Variants in ACSBG2 observed in about 807,000 individuals in gnomAD.
ACSBG2 encodes acyl-CoA synthetase bubblegum family member 2.
A neutral mutation model predicts 74.7 loss-of-function variants in ACSBG2; 62 were observed. The observed-to-expected ratio is 0.83, with a 90% CI of 0.68 to 1.03. The LOEUF is 1.03. ACSBG2 is among the 50% of genes least tolerant of loss of function. The pLI, the probability that ACSBG2 is intolerant of heterozygous loss-of-function variation, is 0.00. For missense variants in ACSBG2, 730 were observed against 817.6 expected, an observed-to-expected ratio of 0.89 and a Z score of 1.31; for synonymous variants, 309 against 294.1, an observed-to-expected ratio of 1.05 and a Z score of -0.52.
intron 13 of ACSBG2, chr19:6,190,232 C>A: frequency 9.3e-6 from 2 of 216,174 alleles, no homozygotes; most frequent in Non-Finnish European, 1.9e-5. Context: ...GCTGGCTGAC[C>A]TCAGAGGAAC....
intron 8 of ACSBG2, among the ~76,000 whole-genome samples, chr19:6,177,990 G>T (rs1029085201): frequency 5.3e-5 from 8 of 151,828 alleles, no homozygotes; most frequent in Admixed American, 3.9e-4. Flanking sequence ...GATCTGAATT[G>T]ATAAGATGTT....
chr19:6,164,536 G>T (rs1013888261), intron 6 of ACSBG2, among the ~76,000 whole-genome samples: 1 of 151,078 alleles, frequency 6.6e-6, no homozygotes, highest in African/African-American at 2.4e-5. Flanking sequence ...CATTTCAAGC[G>T]ATTCTCCTGC....
chr19:6,168,845 C>G (rs578205580), intron 7 of ACSBG2, among the ~76,000 whole-genome samples: 1 of 152,184 alleles, frequency 6.6e-6, no homozygotes, highest in African/African-American at 2.4e-5. Flanking sequence ...GTGACACTAT[C>G]GCGGCACACT....
At chr19:6,159,867 C>A (rs2089548967) in intron 5 of ACSBG2, among the ~76,000 whole-genome samples, 3 of 152,196 alleles carry the variant, frequency 2.0e-5, no homozygotes, top group African/African-American at 7.2e-5. Context: ...ATCCCTCAGA[C>A]ATCCCAAGCT....
Position 6,181,821 on chromosome 19 carries a change from C to CCCG in ACSBG2, c.907-928_907-927insGCC, listed in dbSNP as rs1555696901. ...TTGAATAGTCCCCACCCGCCCCCCC[C>CCCG]CCCAACGAAATTTCCTTGGCATTTT... On this transcript the variant is annotated intron_variant, in intron 8 of 14. Transcript: ENST00000588485. 3.6e-3 allele frequency among the ~76,000 whole-genome samples: 436 copies of CCCG among 122,816 alleles called. 12 individuals carry two copies. The highest frequency in any genetic ancestry group is 7.8e-3 in the East Asian group (28 of 3,582). 80.6% of individuals were successfully genotyped at this position (122,816 alleles called of 152,430 possible). A position where few individuals can be genotyped will look rare whatever the true frequency, so the allele number is the denominator to read the frequency against.
intron 4 of ACSBG2, among the ~76,000 whole-genome samples, chr19:6,156,224 T>C (rs1223456178): frequency 6.6e-6 from 1 of 152,210 alleles, no homozygotes; most frequent in Non-Finnish European, 1.5e-5. Flanking sequence ...TGACCTGTTG[T>C]CATAGTGACA....
chr19:6,192,071 C>CAAAAAAAAAAAAAAAAAAAAAAAAAA (rs397859531), intron 14 of ACSBG2: 9 of 57,478 alleles, frequency 1.6e-4, no homozygotes, highest in African/African-American at 5.1e-4. Flanking sequence ...AGCACAGCAC[C>CAAAAAAAAAAAAAAAAAAAAAAAAAA]AAAAAAAAAA....
chr19:6,176,227 G>A (rs372859619), intron 7 of ACSBG2: 12 of 1,212,436 alleles, frequency 9.9e-6, no homozygotes, highest in African/African-American at 3.1e-5. Context: ...ACTCACCTGG[G>A]CTACCCAAGA....
chr19:6,141,346 CTAT>C (rs2088822368), intron 1 of ACSBG2, among the ~76,000 whole-genome samples, 164 bp from the exon 2 acceptor site: 1 of 152,042 alleles, frequency 6.6e-6, no homozygotes, highest in Non-Finnish European at 1.5e-5. Context: ...TACAAATGCT[CTAT>C]TATCTGGCAT....
At chr19:6,186,071 T>G (rs111453964) in intron 11 of ACSBG2, among the ~76,000 whole-genome samples, 1 of 151,990 alleles carries the variant, frequency 6.6e-6, no homozygotes, top group Non-Finnish European at 1.5e-5. Flanking sequence ...TTTTTTTTTT[T>G]TAACTCAAAC....
chr19:6,187,356 C>A lies in ACSBG2; in HGVS notation c.1614C>A (p.Pro538=), dbSNP rs771201860. The change falls in exon 12 of 15, where the codon CCC becomes CCA. Residue 538 remains proline (P), a synonymous_variant. Transcript: ENST00000588485. ...PVETLVKKKI[P]IISNAMLVGD... ...AGACCTTGGTTAAGAAGAAGATCCC[C>A]ATCATCAGTAACGCCATGTTAGTAG... 3.1e-6 allele frequency: 5 copies of A among 1,613,994 alleles called. No homozygotes were observed. In the African/African-American group the frequency reaches 6.7e-5, roughly 22 times the overall value.
chr19:6,155,541 G>A (rs1600053388), intron 4 of ACSBG2, among the ~76,000 whole-genome samples: 1 of 152,152 alleles, frequency 6.6e-6, no homozygotes, highest in African/African-American at 2.4e-5. Context: ...TGGAATCCCA[G>A]CACTTTGGGA....
At chr19:6,155,922 C>CAAA (rs55846830) in intron 4 of ACSBG2, among the ~76,000 whole-genome samples, 101 of 140,546 alleles carry the variant, frequency 7.2e-4, no homozygotes, top group African/African-American at 2.4e-3. Context: ...AATAAAAAGG[C>CAAA]AAAAAAAAAA....
intron 11 of ACSBG2, among the ~76,000 whole-genome samples, chr19:6,186,116 A>G (rs544264287): frequency 1.3e-5 from 2 of 150,160 alleles, no homozygotes; most frequent in East Asian, 3.9e-4. Context: ...TTGAGTAAAA[A>G]AGTGCCATCT....
In ACSBG2 at chr19:6,151,993, C is replaced by T. The variant is rs76472470; in HGVS notation, c.386+198C>T. On this transcript the variant is annotated intron_variant, in intron 4 of 14. Transcript: ENST00000588485. ...CACCCATTAGACTAGCAGTCTCAGA[C>T]CTCTCGATTTTCTTCAGCTGAAGAA... 1.6e-4 allele frequency among the ~76,000 whole-genome samples: 25 copies of T among 152,314 alleles called. 1 individual carries two copies. In the East Asian group the frequency reaches 4.8e-3, roughly 29 times the overall value.
chr19:6,165,772 T>A, intron 6 of ACSBG2, 94 bp from the exon 7 acceptor site: 1 of 1,480,778 alleles, frequency 6.8e-7, no homozygotes, highest in East Asian at 2.3e-5. Context: ...CTGCTGAGGA[T>A]CATTCTTTAG....
chr19:6,181,823 C>A (rs914934093), intron 8 of ACSBG2, among the ~76,000 whole-genome samples: 1 of 131,462 alleles, frequency 7.6e-6, no homozygotes, highest in Non-Finnish European at 1.6e-5. Context: ...GCCCCCCCCC[C>A]CAACGAAATT....
In ACSBG2 at chr19:6,174,324, T is replaced by G. The variant is rs2090039247; in HGVS notation, c.739-2905T>G. Among the ~76,000 whole-genome samples, 1 of 152,170 alleles carries G rather than the reference T, an allele frequency of 6.6e-6. No homozygotes were observed. The highest frequency in any genetic ancestry group is 2.1e-4 in the South Asian group (1 of 4,832). On this transcript the variant is annotated intron_variant, in intron 7 of 14. Transcript: ENST00000588485. The surrounding 1 kb of genome is among the most constrained non-coding windows in gnomAD (Gnocchi z 4.2). ...TGTCAGTCCCAGAATTTCCACAGCA[T>G]CCCTTCTGCTCCTTTCTGTCAGTCA...
In ACSBG2 at chr19:6,180,089, G is replaced by A. The variant is rs2090203152; in HGVS notation, c.907-2662G>A. Among the ~76,000 whole-genome samples, 1 of 144,832 alleles carries A rather than the reference G, an allele frequency of 6.9e-6. No homozygotes were observed. Among genetic ancestry groups the A allele is most frequent in the South Asian group, 2.2e-4 (1 of 4,610 alleles). On this transcript the variant is annotated intron_variant, in intron 8 of 14. Transcript: ENST00000588485. This position sits in a 1 kb window ranked among gnomAD's most constrained non-coding sequence, Gnocchi z 4.3. ...CCTTCCTCCATCTTCACAGCCAGCA[G>A]TGCAGCCTCTTCCCCTCTCCTGCTT... is the stretch of plus-strand genomic sequence containing the variant.
Sources: gnomAD v4.1 joint callset for allele counts (sites outside exome capture counted in the v4.1 genomes callset) on GRCh38, gnomAD v4.1.1 for gene constraint, Gnocchi (gnomAD v3.1) non-coding constraint, MANE v1.5 for transcripts, NCBI Gene and HGNC (gene_info 2026-07-23, HGNC 2026-07-21) for gene names.